Variants in NPRL3 observed in about 807,000 individuals in gnomAD.
The protein encoded by NPRL3 is NPR3 like, GATOR1 complex subunit.
A neutral mutation model predicts 57.2 loss-of-function variants in NPRL3; 23 were observed. The observed-to-expected ratio is 0.40, with a 90% CI of 0.29 to 0.57. The LOEUF (loss-of-function observed/expected upper bound fraction) is 0.57, where lower values mean the gene tolerates loss of function less well. Ranked by LOEUF, NPRL3 falls within the 20% of genes least tolerant of loss-of-function variation. The probability of loss-of-function intolerance (pLI) is 0.42; values close to 1 mark genes in which losing one functional copy is unlikely to be tolerated. For missense variants in NPRL3, 691 were observed against 767.1 expected (o/e 0.90, Z 1.17); for synonymous variants, 333 against 321.1 (o/e 1.04, Z -0.39).
chr16:119,392 T>C, intron 3 of NPRL3, 137 bp from the exon 4 acceptor site: 1 of 797,582 alleles, frequency 1.3e-6, no homozygotes, highest in Non-Finnish European at 2.0e-6. Context: ...TGGTGGAAGC[T>C]ACTAACAGTT....
rs1278113530 is a variant in NPRL3, at chr16:138,038, A to C, written c.118+112T>G. ...ACTTTTCAAATACTCTACAACGAGC[A>C]GATCTCGAATGCCCAGCAAAAGCTA... On this transcript the variant is annotated intron_variant, in intron 2 of 13. Transcript: ENST00000611875. 16 of 717,572 alleles carry C rather than the reference A, an allele frequency of 2.2e-5. No individual in the cohort carries two copies. In the East Asian group the frequency reaches 4.4e-4, roughly 20 times the overall value. 44.5% of individuals were successfully genotyped at this position (717,572 alleles called of 1,614,324 possible). A position where few individuals can be genotyped will look rare whatever the true frequency, so the allele number is the denominator to read the frequency against.
At chr16:132,304 G>A (rs1195852381) in intron 2 of NPRL3, among the ~76,000 whole-genome samples, 1 of 152,166 alleles carries the variant, frequency 6.6e-6, no homozygotes. Context: ...ACCACACTCA[G>A]CCCAGAAACT....
intron 9 of NPRL3, among the ~76,000 whole-genome samples, chr16:96,371 G>A (rs1378734253): frequency 1.3e-5 from 2 of 152,116 alleles, no homozygotes; most frequent in Non-Finnish European, 2.9e-5. Flanking sequence ...CCATGTGGTC[G>A]GTGCTCATCA....
chr16:114,587 C>A (rs982801464), intron 5 of NPRL3, among the ~76,000 whole-genome samples: 2 of 152,124 alleles, frequency 1.3e-5, no homozygotes, highest in Admixed American at 6.6e-5. Flanking sequence ...GGGGAGACCT[C>A]TGGATTGGCA....
At chr16:99,354 C>G (rs1284184796) in intron 8 of NPRL3, among the ~76,000 whole-genome samples, 1 of 152,114 alleles carries the variant, frequency 6.6e-6, no homozygotes, top group Non-Finnish European at 1.5e-5. Context: ...TGCAGAAAAT[C>G]AATTAAATTG....
chr16:104,942 A>T (rs537142080), intron 7 of NPRL3, among the ~76,000 whole-genome samples: 1 of 152,286 alleles, frequency 6.6e-6, no homozygotes, highest in African/African-American at 2.4e-5. Flanking sequence ...CACTGTTTTT[A>T]AGTCTGCAGC....
At chr16:117,629 C>T (rs570017199) in intron 4 of NPRL3, among the ~76,000 whole-genome samples, 165 of 152,286 alleles carry the variant, frequency 1.1e-3, no homozygotes, top group Non-Finnish European at 1.2e-3. Flanking sequence ...CCACAGGGGA[C>T]GAGATGGAGA....
chr16:102,842 T>TA (rs1461683296), intron 7 of NPRL3, among the ~76,000 whole-genome samples: 1 of 152,308 alleles, frequency 6.6e-6, no homozygotes, highest in Non-Finnish European at 1.5e-5. Context: ...CAGAACTGCA[T>TA]GCTAACCAAG....
chr16:103,296 A>ATTGTTTTTTTTTTTT (rs1899381111), intron 7 of NPRL3, among the ~76,000 whole-genome samples: 1 of 42,110 alleles, frequency 2.4e-5, no homozygotes, highest in African/African-American at 1.0e-4. Flanking sequence ...GCCTGGGGTG[A>ATTGTTTTTTTTTTTT]TTTTTTTTTT....
chr16:87,772 A>G (rs1279558793), intron 13 of NPRL3, among the ~76,000 whole-genome samples: 2 of 147,284 alleles, frequency 1.4e-5, no homozygotes, highest in Non-Finnish European at 3.0e-5. Context: ...GGGTTTCACC[A>G]TGTTAGCCAG....
chr16:132,008 CTTTT>C (rs61664945), intron 2 of NPRL3, among the ~76,000 whole-genome samples: 55,257 of 144,864 alleles, frequency 0.38, 11,220 homozygotes, highest in South Asian at 0.53. Context: ...TTCTTTCTTT[CTTTT>C]TTTTTTTTTT....
At chr16:104,286 C>T (rs1172013124) in intron 7 of NPRL3, among the ~76,000 whole-genome samples, 1 of 152,066 alleles carries the variant, frequency 6.6e-6, no homozygotes, top group East Asian at 1.9e-4. Context: ...GAGCAAGACC[C>T]TGTCTCAAAA....
At chr16:115,866 A>G (rs903958039) in intron 5 of NPRL3, among the ~76,000 whole-genome samples, 2 of 152,208 alleles carry the variant, frequency 1.3e-5, no homozygotes, top group African/African-American at 4.8e-5. Flanking sequence ...CTTGATGGCA[A>G]GAGGATGGGC....
At chr16:119,105 C>A in intron 4 of NPRL3, 21 bp downstream of exon 4, 1 of 1,612,072 alleles carries the variant, frequency 6.2e-7, no homozygotes, top group African/African-American at 1.3e-5. Flanking sequence ...GAGAGCCCCA[C>A]CTGCCCAGGG....
intron 11 of NPRL3, among the ~76,000 whole-genome samples, chr16:92,055 C>G (rs1447995834): frequency 1.3e-5 from 2 of 152,176 alleles, no homozygotes; most frequent in African/African-American, 2.4e-5. Flanking sequence ...TGCCCTGATC[C>G]AGGCCCACTA....
intron 2 of NPRL3, among the ~76,000 whole-genome samples, chr16:133,037 T>G (rs1163169124): frequency 6.6e-6 from 1 of 152,216 alleles, no homozygotes; most frequent in Non-Finnish European, 1.5e-5. Flanking sequence ...TCTGCTAGCT[T>G]CCAACTTTTC....
intron 5 of NPRL3, among the ~76,000 whole-genome samples, chr16:117,072 T>C (rs1184524263): frequency 6.6e-6 from 1 of 152,086 alleles, no homozygotes; most frequent in African/African-American, 2.4e-5. Flanking sequence ...TTATACAACA[T>C]GAATGTACCA....
intron 8 of NPRL3, 22 bp from the exon 9 acceptor site, chr16:98,323 C>T (rs377593784): frequency 3.9e-5 from 63 of 1,611,462 alleles, no homozygotes; most frequent in East Asian, 6.7e-5. Flanking sequence ...TCACCTGTCA[C>T]GGAACACACG....
At chr16:99,959 C>CAAAAAAAAAAAAAAA (rs11304941) in intron 8 of NPRL3, among the ~76,000 whole-genome samples, 2 of 61,020 alleles carry the variant, frequency 3.3e-5, no homozygotes, top group Admixed American at 2.2e-4. Flanking sequence ...CACACCCCCG[C>CAAAAAAAAAAAAAAA]AAAAAAAAAA....
Sources: gnomAD v4.1 joint callset for allele counts (sites outside exome capture counted in the v4.1 genomes callset) on GRCh38, gnomAD v4.1.1 for gene constraint, MANE v1.5 for transcripts, NCBI Gene and HGNC (gene_info 2026-07-23, HGNC 2026-07-21) for gene names.